PEX6: variants seen among roughly 807,000 people sequenced by gnomAD.
PEX6 encodes the protein peroxisomal biogenesis factor 6, also known as peroxisome biogenesis factor 6.
PEX6 carries 55 observed loss-of-function variants against 85.6 expected under a neutral mutation model. That is an observed-to-expected ratio of 0.64 (90% CI 0.52 to 0.80). PEX6 has a LOEUF of 0.80. PEX6 is among the 30% of genes least tolerant of loss of function. The pLI is 0.00. For missense variants in PEX6, 1,099 were observed against 1,260.3 expected (o/e 0.87, Z 1.94); for synonymous variants, 519 against 549.1 (o/e 0.95, Z 0.77).
chr6:42,967,294 G>A, intron 8 of PEX6, 74 bp downstream of exon 8: 2 of 1,424,882 alleles, frequency 1.4e-6, no homozygotes, highest in South Asian at 2.4e-5. Context: ...CACTCACAAG[G>A]CAACAGGACT....
At position 42,979,011 on chromosome 6, in the gene PEX6, G is replaced by A. The variant is rs1299683224; in HGVS notation, c.140C>T (p.Pro47Leu). 4 of 1,518,296 alleles carry A rather than the reference G, an allele frequency of 2.6e-6. No individual in the cohort carries two copies. The highest frequency in any genetic ancestry group is 2.6e-6 in the Non-Finnish European group (3 of 1,140,224). 94.1% of individuals were successfully genotyped at this position (1,518,296 alleles called of 1,614,324 possible). ...TGCCACCAGCAGCGCCGGCCCTGCC[G>A]GGCTCTCCCCTGCAGGCCTCAGGGC... ...VLALRPAGES[P>L]AGPALLVAAL... Residue 47 changes from proline (P) to leucine (L), a missense_variant, in exon 1 of 17, where the codon CCG becomes CTG. Physicochemically the swap from Pro to Leu is moderately conservative, Grantham distance 98 (BLOSUM62 -3). Around this residue, in one of 3 missense-constraint regions of PEX6, gnomAD observed 579 missense variants for 611.6 expected, o/e 0.95. Transcript: ENST00000304611.
chr6:42,977,710 A>G (rs1257083585), intron 1 of PEX6, among the ~76,000 whole-genome samples: 1 of 127,788 alleles, frequency 7.8e-6, no homozygotes, highest in Non-Finnish European at 1.6e-5. Context: ...CGGAGGTTGC[A>G]GTAAGCCGAG....
Position 42,964,495 on chromosome 6 carries a change from C to T in PEX6, c.2807-24G>A. On this transcript the variant is annotated intron_variant, in intron 16 of 16. Transcript: ENST00000304611. This position sits in a 1 kb window ranked among gnomAD's most constrained non-coding sequence, Gnocchi z 4.6. ...CCCTGGAGATGACAAGGTGGGGAGG[C>T]TGTGGTCTATGCCCAGGCAGGGGAG... The T allele has an allele frequency of 6.2e-7, 1 of 1,612,490 alleles. No homozygotes were observed. Among genetic ancestry groups the T allele is most frequent in the Non-Finnish European group, 8.5e-7 (1 of 1,179,878 alleles).
Position 42,965,995 on chromosome 6 carries a change from A to G in PEX6, c.2362+49T>C, listed in dbSNP as rs1743384423. The G allele has an allele frequency of 6.3e-6, 10 of 1,594,756 alleles. No homozygotes were observed. The highest frequency in any genetic ancestry group is 7.7e-6 in the Non-Finnish European group (9 of 1,164,002). ...GGGAGTAGGGGGTGGCTTGGGGGCCATCGGGGTTTGGGAAGCATGGGACGC... is the reference window on the plus strand; with the variant it reads ...GGGAGTAGGGGGTGGCTTGGGGGCCGTCGGGGTTTGGGAAGCATGGGACGC... On this transcript the variant is annotated intron_variant, in intron 12 of 16. Coordinates refer to ENST00000304611, the MANE Select transcript of PEX6 (RefSeq NM_000287.4). The surrounding 1 kb of genome is among the most constrained non-coding windows in gnomAD (Gnocchi z 5.0).
chr6:42,966,969 T>A (rs1326217641), intron 8 of PEX6, 111 bp from the exon 9 acceptor site: 24 of 142,852 alleles, frequency 1.7e-4, no homozygotes, highest in Non-Finnish European at 8.3e-5. Context: ...GGTTTGTTGT[T>A]TTTTTTTTTT....
chr6:42,972,769 CAA>C (rs3997649), intron 3 of PEX6, among the ~76,000 whole-genome samples: 9,628 of 57,042 alleles, frequency 0.17, 477 homozygotes, highest in Admixed American at 0.29. Flanking sequence ...GACTCTGTCT[CAA>C]AAAAAAAAAA....
Position 42,965,128 on chromosome 6 carries a change from C to T in PEX6, c.2613G>A (p.Gly871=), listed in dbSNP as rs1415032187. 6.2e-7 allele frequency: 1 copy of T among 1,614,216 alleles called. No individual in the cohort carries two copies. The highest frequency in any genetic ancestry group is 8.5e-7 in the Non-Finnish European group (1 of 1,180,034). The part of the protein sequence containing the change: ...PGRFDKLVFV[G]ANEDRASQLR... ...GCTGGGAGGCCCGGTCCTCATTTGC[C>T]CCCACAAACACCAGCTTGTCAAATC... The change falls in exon 15 of 17, where the codon GGG becomes GGA. Residue 871 remains glycine (G), a synonymous_variant. Coordinates refer to ENST00000304611, the MANE Select transcript of PEX6 (RefSeq NM_000287.4). The surrounding 1 kb of genome is among the most constrained non-coding windows in gnomAD (Gnocchi z 5.0).
intron 3 of PEX6, among the ~76,000 whole-genome samples, 162 bp downstream of exon 3, chr6:42,973,841 G>C (rs1390536828): frequency 6.6e-6 from 1 of 152,084 alleles, no homozygotes; most frequent in African/African-American, 2.4e-5. Flanking sequence ...TCCAGCCTGG[G>C]TAACAGAGCA....
In PEX6 at chr6:42,966,556, G is replaced by C; in HGVS notation, c.2063C>G (p.Thr688Arg). 6.2e-7 allele frequency: 1 copy of C among 1,614,196 alleles called. No homozygotes were observed. The change falls in exon 10 of 17, where the codon ACA becomes AGA. Residue 688 changes from threonine to arginine, a missense_variant. Thr to Arg is a moderately conservative substitution (Grantham distance 71, BLOSUM62 -1). This residue lies in a region of PEX6 where 514 missense variants were observed against 627.0 expected (regional missense o/e 0.82). Transcript: ENST00000304611. ...GGCTCCAACGGCCTGGGAGTGAGCTGTCTGCAGTTGCTCCAGTGCCTGCCC... is the reference window on the plus strand; with the variant it reads ...GGCTCCAACGGCCTGGGAGTGAGCTCTCTGCAGTTGCTCCAGTGCCTGCCC... ...DFGQALEQLQ[T>R]AHSQAVGAPK...
At chr6:42,968,212 T>C (rs1295618421) in intron 7 of PEX6, 78 bp downstream of exon 7, 8 of 1,242,078 alleles carry the variant, frequency 6.4e-6, no homozygotes, top group Non-Finnish European at 9.5e-6. Context: ...GGCCTCCCAA[T>C]GTGCTGGGAT....
In PEX6 at chr6:42,964,690, A is replaced by G; in HGVS notation, c.2806+100T>C. 6.6e-7 allele frequency: 1 copy of G among 1,515,464 alleles called. No individual in the cohort carries two copies. Among genetic ancestry groups the G allele is most frequent in the Admixed American group, 1.7e-5 (1 of 59,848 alleles). 93.9% of individuals were successfully genotyped at this position (1,515,464 alleles called of 1,614,324 possible). On this transcript the variant is annotated intron_variant, in intron 16 of 16. Transcript: ENST00000304611. This position sits in a 1 kb window ranked among gnomAD's most constrained non-coding sequence, Gnocchi z 4.6. ...GGCTGGCCTCAAACTCCTGGGCTCA[A>G]GCGATCCTCCCACCTCAGCCTCTCA... is the stretch of plus-strand genomic sequence containing the variant.
chr6:42,966,480 C>T (rs777391153), intron 10 of PEX6, 33 bp from the exon 11 acceptor site: 1 of 1,614,186 alleles, frequency 6.2e-7, no homozygotes, highest in Non-Finnish European at 8.5e-7. Flanking sequence ...TTGGGATATG[C>T]TCTTGGAGGG....
Position 42,979,061 on chromosome 6 carries a change from C to G in PEX6, c.90G>C (p.Pro30=), listed in dbSNP as rs1208607697. Residue 30 remains proline (P), a synonymous_variant, in exon 1 of 17, where the codon CCG becomes CCC. Transcript: ENST00000304611. ...CCAGCACCAGGCCCAGCTCCGCCGC[C>G]GGCCACGGGCCCCCGGGTGGCAGCA... ...AVLLPPGGPW[P]AAELGLVLAL... The G allele has an allele frequency of 3.9e-6, 6 of 1,537,380 alleles. No individual in the cohort carries two copies. Among genetic ancestry groups the G allele is most frequent in the Non-Finnish European group, 5.2e-6 (6 of 1,148,848 alleles).
At chr6:42,978,236 G>T in intron 1 of PEX6, 33 bp downstream of exon 1, 2 of 1,611,238 alleles carry the variant, frequency 1.2e-6, no homozygotes, top group South Asian at 2.2e-5. Context: ...ATAAGAAAGA[G>T]GAAGCACTCC....
At chr6:42,974,451 GTTTTTTTTTT>G (rs541877938) in intron 2 of PEX6, among the ~76,000 whole-genome samples, 1 of 61,016 alleles carries the variant, frequency 1.6e-5, no homozygotes, top group East Asian at 4.2e-4. Flanking sequence ...TGTTTTTTTT[GTTTTTTTTTT>G]TTTTTTTTTT....
Position 42,978,966 on chromosome 6 carries a change from G to A in PEX6, c.185C>T (p.Ala62Val), listed in dbSNP as rs991131935. 11 of 1,497,032 alleles carry A rather than the reference G, an allele frequency of 7.3e-6. No individual in the cohort carries two copies. In the African/African-American group the frequency reaches 1.2e-4, roughly 16 times the overall value. 92.7% of individuals were successfully genotyped at this position (1,497,032 alleles called of 1,614,324 possible). ...LLVAALEGPD[A>V]GTEEQGPGPP... ...CCCGGGACCCTGCTCTTCGGTGCCC[G>A]CGTCCGGCCCCTCCAGGGCTGCCAC... The change falls in exon 1 of 17, where the codon GCG (alanine) becomes GTG (valine). Residue 62 changes from alanine to valine, a missense_variant. Transcript: ENST00000304611.
intron 1 of PEX6, among the ~76,000 whole-genome samples, chr6:42,976,221 CTTTA>C (rs1459496974): frequency 3.9e-5 from 6 of 151,956 alleles, no homozygotes; most frequent in Non-Finnish European, 8.8e-5. Context: ...GCCAGGCTTA[CTTTA>C]TTTAGTTTTA....
rs555409430 is a variant in PEX6 at position 42,978,252 on chromosome 6, CCA to C, written c.882+15_882+16del. ...TAAGAAAGAGGAAGCACTCCTGACC[CCA>C]GTCCTTTATCCTACCTGAATTCTGA... On this transcript the variant is annotated intron_variant, in intron 1 of 16. Transcript: ENST00000304611. 3.1e-4 allele frequency: 497 copies of C among 1,613,956 alleles called. 3 individuals are homozygous for C. In the African/African-American group the frequency reaches 5.3e-3, roughly 17 times the overall value.
At chr6:42,966,141 G>A (rs760617174) in intron 11 of PEX6, 36 bp from the exon 12 acceptor site, 112 of 1,612,466 alleles carry the variant, frequency 6.9e-5, no homozygotes, top group Non-Finnish European at 6.4e-5. Context: ...AGAGCCGTCA[G>A]ATGCACATAC....
Sources: allele counts gnomAD v4.1 joint callset (sites outside exome capture counted in the v4.1 genomes callset), GRCh38; gene constraint gnomAD v4.1.1; regional missense constraint gnomAD v4.1.1; non-coding constraint Gnocchi (gnomAD v3.1); transcripts MANE v1.5; gene names NCBI Gene and HGNC (gene_info 2026-07-23, HGNC 2026-07-21).